ASCC3: variants seen among roughly 807,000 people sequenced by gnomAD.
The protein encoded by ASCC3 is ASC-1 complex subunit P200.
ASCC3 carries 158 observed loss-of-function variants against 256.3 expected under a neutral mutation model. The ratio of observed to expected loss-of-function variants is 0.62; its 90% CI spans 0.54 to 0.70. ASCC3 has a LOEUF of 0.70. Among genes scored for constraint, ASCC3 ranks in the 30% least tolerant of loss-of-function variants. ASCC3 has a pLI of 0.00. For missense variants in ASCC3, 2,259 were observed against 2,626.0 expected (o/e 0.86, Z 3.05); for synonymous variants, 948 against 883.4 (o/e 1.07, Z -1.30).
At chr6:100,810,597 C>T (rs553753195) in intron 4 of ASCC3, among the ~76,000 whole-genome samples, 4 of 152,248 alleles carry the variant, frequency 2.6e-5, no homozygotes, top group African/African-American at 9.6e-5. Flanking sequence ...CTAGATTAAA[C>T]TCTTTCTAAA....
At chr6:100,563,913 A>G (rs1379303125) in intron 36 of ASCC3, among the ~76,000 whole-genome samples, 2 of 152,060 alleles carry the variant, frequency 1.3e-5, no homozygotes, top group Admixed American at 6.6e-5. Context: ...GGCTTTATAC[A>G]TATTATTTTA....
chr6:100,514,371 C>T (rs571943484), intron 39 of ASCC3, among the ~76,000 whole-genome samples: 1 of 152,198 alleles, frequency 6.6e-6, no homozygotes, highest in African/African-American at 2.4e-5. Flanking sequence ...TTCTGTAAAG[C>T]ATTTGACTTT....
chr6:100,569,187 C>A (rs1268574998), intron 36 of ASCC3, among the ~76,000 whole-genome samples: 3 of 152,070 alleles, frequency 2.0e-5, no homozygotes, highest in Non-Finnish European at 4.4e-5. Context: ...CAGTGTCATT[C>A]TTCTGCATAT....
At chr6:100,651,300 T>G (rs1775658493) in intron 19 of ASCC3, among the ~76,000 whole-genome samples, 1 of 151,894 alleles carries the variant, frequency 6.6e-6, no homozygotes, top group Admixed American at 6.6e-5. Flanking sequence ...AACCAAAATC[T>G]TCATACTACA....
At position 100,725,597 on chromosome 6, in the gene ASCC3, A is replaced by G; in HGVS notation, c.1844T>C (p.Leu615Ser). The G allele has an allele frequency of 6.2e-7, 1 of 1,612,906 alleles. No homozygotes were observed. Residue 615 changes from leucine (L) to serine (S), a missense_variant, in exon 11 of 42, where the codon TTG (leucine) becomes TCG (serine). Transcript: ENST00000369162. The part of the protein sequence containing the change: ...VRLLILDEVH[L>S]LHEDRGPVLE... ...TACTGGTCCTCTATCTTCATGCAGCAAATGAACTTCATCAAGAATAAGGAG... is the reference window on the plus strand; with the variant it reads ...TACTGGTCCTCTATCTTCATGCAGCGAATGAACTTCATCAAGAATAAGGAG...
At position 100,509,460 on chromosome 6, in the gene ASCC3, C is replaced by G. The variant is rs144362003; in HGVS notation, c.6535G>C (p.Val2179Leu). ...TGTGCAGAAAGACTCGCTTGTGTAA[C>G]GTTGAGATAGATGTCATACTGCTGG... Reference protein sequence around the residue: ...LDQQYDIYLNVTQASLSAQVN... With the variant: ...LDQQYDIYLNLTQASLSAQVN... Residue 2179 changes from valine to leucine, a missense_variant, in exon 42 of 42, where the codon GTT becomes CTT. Around this residue, in one of 2 missense-constraint regions of ASCC3, gnomAD observed 1,839 missense variants for 2,206.7 expected, o/e 0.83. Coordinates refer to ENST00000369162, the MANE Select transcript of ASCC3 (RefSeq NM_006828.4). 1 of 1,614,124 alleles carries G rather than the reference C, an allele frequency of 6.2e-7. No homozygotes were observed. Among genetic ancestry groups the G allele is most frequent in the Non-Finnish European group, 8.5e-7 (1 of 1,180,020 alleles).
At chr6:100,769,814 A>G (rs1044419744) in intron 8 of ASCC3, among the ~76,000 whole-genome samples, 37 of 152,052 alleles carry the variant, frequency 2.4e-4, no homozygotes, top group African/African-American at 8.9e-4. Context: ...ATAATGAACA[A>G]CTATATGCCA....
At chr6:100,595,671 A>AT (rs1053052320) in intron 34 of ASCC3, among the ~76,000 whole-genome samples, 21 of 152,176 alleles carry the variant, frequency 1.4e-4, no homozygotes, top group African/African-American at 5.1e-4. Flanking sequence ...GTGATGGAGA[A>AT]TGGGATGGAA....
intron 4 of ASCC3, among the ~76,000 whole-genome samples, chr6:100,826,902 G>A (rs934510049): frequency 3.9e-5 from 6 of 152,020 alleles, no homozygotes; most frequent in Non-Finnish European, 5.9e-5. Context: ...GCCACATGAG[G>A]CTACTTACAT....
At chr6:100,642,029 G>T (rs1292920459) in intron 24 of ASCC3, among the ~76,000 whole-genome samples, 1 of 136,816 alleles carries the variant, frequency 7.3e-6, no homozygotes, top group Non-Finnish European at 1.6e-5. Context: ...GGGGGGAGGG[G>T]GGAGGGATAG....
intron 10 of ASCC3, among the ~76,000 whole-genome samples, chr6:100,730,959 T>C (rs1245196009): frequency 6.6e-6 from 1 of 152,198 alleles, no homozygotes; most frequent in East Asian, 1.9e-4. Flanking sequence ...AAAAATGTAT[T>C]CAAGTACAAA....
intron 13 of ASCC3, among the ~76,000 whole-genome samples, chr6:100,698,889 G>T (rs907878511): frequency 6.6e-6 from 1 of 152,004 alleles, no homozygotes; most frequent in Non-Finnish European, 1.5e-5. Context: ...GATCTTATAA[G>T]ATCAGACTTA....
At chr6:100,852,095 TG>T (rs1019226265) in intron 3 of ASCC3, among the ~76,000 whole-genome samples, 1 of 152,206 alleles carries the variant, frequency 6.6e-6, no homozygotes, top group Non-Finnish European at 1.5e-5. Flanking sequence ...CCCCAGGTGC[TG>T]GGGCCGCAAA....
chr6:100,557,093 T>C (rs1016574109), intron 36 of ASCC3, among the ~76,000 whole-genome samples: 2 of 152,202 alleles, frequency 1.3e-5, no homozygotes, highest in Non-Finnish European at 2.9e-5. Context: ...CATGGGAATA[T>C]CTACTGAGCG....
Position 100,676,487 on chromosome 6 carries a change from G to C in ASCC3, c.2286+3131C>G, listed in dbSNP as rs76189280. On this transcript the variant is annotated intron_variant, in intron 14 of 41. Transcript: ENST00000369162. ...ATCCTGAGATATTCCTGTGCCCAGG[G>C]AGAGCCCCAAGCTCCATTTCTGAAG... is the stretch of plus-strand genomic sequence containing the variant. Among the ~76,000 whole-genome samples the C allele has an allele frequency of 2.6e-5, 4 of 152,278 alleles. No individual in the cohort carries two copies. In the East Asian group the frequency reaches 5.8e-4, roughly 22 times the overall value.
chr6:100,627,182 G>A (rs1245386129), intron 29 of ASCC3, among the ~76,000 whole-genome samples: 1 of 151,968 alleles, frequency 6.6e-6, no homozygotes, highest in Non-Finnish European at 1.5e-5. Flanking sequence ...TGTTAGAAGA[G>A]GAAAAACTAA....
At position 100,564,749 on chromosome 6, in the gene ASCC3, T is replaced by C. The variant is rs79258195; in HGVS notation, c.5551-24362A>G. 1.6e-3 allele frequency among the ~76,000 whole-genome samples: 245 copies of C among 152,188 alleles called. 9 individuals are homozygous for C. The East Asian group carries it at 0.044, about 28-fold the overall frequency. ...TGAAAGGCTATGTTTAAAAATTATA[T>C]GTAGAATAGTAATAGGTGTAGAACA... On this transcript the variant is annotated intron_variant, in intron 36 of 41. Transcript: ENST00000369162.
At chr6:100,797,076 A>T (rs1425549691) in intron 8 of ASCC3, among the ~76,000 whole-genome samples, 1 of 152,216 alleles carries the variant, frequency 6.6e-6, no homozygotes, top group Non-Finnish European at 1.5e-5. Context: ...CTTATTTAGA[A>T]ATAAGTATGA....
chr6:100,772,995 G>T (rs564715839), intron 8 of ASCC3, among the ~76,000 whole-genome samples: 1 of 152,114 alleles, frequency 6.6e-6, no homozygotes, highest in East Asian at 1.9e-4. Context: ...CTTACTATGG[G>T]CTAAGCACAG....
Sources: allele counts gnomAD v4.1 joint callset (sites outside exome capture counted in the v4.1 genomes callset), GRCh38; gene constraint gnomAD v4.1.1; regional missense constraint gnomAD v4.1.1; transcripts MANE v1.5; gene names NCBI Gene and HGNC (gene_info 2026-07-23, HGNC 2026-07-21).